The following TSBP1 variants were observed in gnomAD, a reference collection of about 807,000 sequenced individuals.
TSBP1 encodes the protein testis-expressed basic protein 1.
In TSBP1, 56 loss-of-function variants were observed where a neutral mutation model predicts 68.8. The ratio of observed to expected loss-of-function variants is 0.81; its 90% CI spans 0.66 to 1.02. The LOEUF is 1.02. TSBP1 is among the 50% of genes least tolerant of loss of function. The pLI, the probability that TSBP1 is intolerant of heterozygous loss-of-function variation, is 0.00. For missense variants in TSBP1, 502 were observed against 641.2 expected (o/e 0.78, Z 2.34); for synonymous variants, 171 against 208.7 (o/e 0.82, Z 1.56).
At chr6:32,322,910 C>T (rs1767789215) in intron 18 of TSBP1, among the ~76,000 whole-genome samples, 1 of 133,404 alleles carries the variant, frequency 7.5e-6, no homozygotes, top group Non-Finnish European at 1.7e-5. Flanking sequence ...CTGAAAATTC[C>T]TCCTACTTGT....
chr6:32,315,353 AG>A lies in TSBP1; in HGVS notation c.580+418del, dbSNP rs1766835625. 6.6e-6 allele frequency among the ~76,000 whole-genome samples: 1 copy of A among 152,130 alleles called. No individual in the cohort carries two copies. Among genetic ancestry groups the A allele is most frequent in the African/African-American group, 2.4e-5 (1 of 41,436 alleles). ...CAACGCGGGCGGATCACTTGAGGTC[AG>A]GAGTTCAAGAACAGCCTGGCCAAAT... On this transcript the variant is annotated intron_variant, in intron 19 of 22. Transcript: ENST00000612031. The surrounding 1 kb of genome is among the most constrained non-coding windows in gnomAD (Gnocchi z 5.4).
chr6:32,342,433 C>T (rs1583110047), intron 9 of TSBP1, among the ~76,000 whole-genome samples: 1 of 152,108 alleles, frequency 6.6e-6, no homozygotes, highest in Non-Finnish European at 1.5e-5. Context: ...TGATTACGGG[C>T]ATGAGCCATG....
chr6:32,336,739 C>G lies in TSBP1; in HGVS notation c.410-104G>C. On this transcript the variant is annotated intron_variant, in intron 11 of 22. Coordinates refer to ENST00000612031, the Ensembl canonical transcript of TSBP1. The surrounding 1 kb of genome is among the most constrained non-coding windows in gnomAD (Gnocchi z 5.2). ...ATGAAGCAATTCAACCAGAGGAGAACAACTACTGTGGGACTGCAGATGATC... is the reference window on the plus strand; with the variant it reads ...ATGAAGCAATTCAACCAGAGGAGAAGAACTACTGTGGGACTGCAGATGATC... 9.8e-7 allele frequency: 1 copy of G among 1,016,550 alleles called. No individual in the cohort carries two copies. 63.0% of individuals were successfully genotyped at this position (1,016,550 alleles called of 1,614,324 possible).
At chr6:32,332,096 G>T (rs910052) in intron 14 of TSBP1, 42 bp from the exon 16 acceptor site, 572,849 of 1,483,930 alleles carry the variant, frequency 0.39, 116,489 homozygotes, top group Middle Eastern at 0.56. Context: ...CAGTTATTTG[G>T]AGAGTGTATT....
chr6:32,294,485 C>T (rs1764495710), intron 22 of TSBP1, among the ~76,000 whole-genome samples: 2 of 152,194 alleles, frequency 1.3e-5, no homozygotes, highest in Admixed American at 1.3e-4. Flanking sequence ...AATAACAGTA[C>T]TAGCTGATAA....
In TSBP1 at chr6:32,352,640, A is replaced by G. The variant is rs191988280; in HGVS notation, c.259+2484T>C. On this transcript the variant is annotated intron_variant, in intron 8 of 22. Transcript: ENST00000612031. ...AGAAAATTTTACATTGTTAATATGA[A>G]CAAAGTCAAGCAATATGCCATTTAA... 9.2e-4 allele frequency among the ~76,000 whole-genome samples: 140 copies of G among 152,118 alleles called. 1 individual carries two copies. The highest frequency in any genetic ancestry group is 1.4e-3 in the Admixed American group (22 of 15,282).
chr6:32,325,176 C>T lies in TSBP1; in HGVS notation c.515-1562G>A. 1 of 544,152 alleles carries T rather than the reference C, an allele frequency of 1.8e-6. No individual in the cohort carries two copies. The highest frequency in any genetic ancestry group is 3.2e-6 in the Non-Finnish European group (1 of 308,772). 33.7% of individuals were successfully genotyped at this position (544,152 alleles called of 1,614,324 possible). On this transcript the variant is annotated intron_variant, in intron 16 of 22. Transcript: ENST00000612031. This position sits in a 1 kb window ranked among gnomAD's most constrained non-coding sequence, Gnocchi z 4.4. The stretch of plus-strand genomic sequence containing the variant: ...ATTTATGCCTTTCTGCCCATGGATG[C>T]CATGGAAGAAGCATCATTAAAGTCT...
At chr6:32,307,302 C>T (rs1245782365) in intron 19 of TSBP1, among the ~76,000 whole-genome samples, 1 of 152,078 alleles carries the variant, frequency 6.6e-6, no homozygotes, top group South Asian at 2.1e-4. Context: ...ATTTCTCTCA[C>T]AATTTTGTTT....
At chr6:32,327,948 T>C (rs1451954220) in intron 16 of TSBP1, among the ~76,000 whole-genome samples, 1 of 150,588 alleles carries the variant, frequency 6.6e-6, no homozygotes, top group African/African-American at 2.4e-5. Flanking sequence ...CCCGCCACCA[T>C]GCCCGACTTA....
Position 32,335,413 on chromosome 6 carries a change from A to G in TSBP1, c.472+24T>C. Reference sequence around the variant, plus strand: ...TCTAAGTAAAGTACTAAAAGGCATTATAATTGAGAATCAGATGACTTACCA... The same window carrying G: ...TCTAAGTAAAGTACTAAAAGGCATTGTAATTGAGAATCAGATGACTTACCA... On this transcript the variant is annotated intron_variant, in intron 14 of 22. Coordinates refer to ENST00000612031, the Ensembl canonical transcript of TSBP1. This position sits in a 1 kb window ranked among gnomAD's most constrained non-coding sequence, Gnocchi z 5.5. 2 of 1,509,952 alleles carry G rather than the reference A, an allele frequency of 1.3e-6. No individual in the cohort carries two copies. The highest frequency in any genetic ancestry group is 2.6e-5 in the South Asian group (2 of 77,178). The allele number at this position is 1,509,952 out of a possible 1,614,324, so 93.5% of individuals were successfully genotyped here. A position where few individuals can be genotyped will look rare whatever the true frequency, so the allele number is the denominator to read the frequency against.
chr6:32,343,343 C>T lies in TSBP1; in HGVS notation c.350-3705G>A, dbSNP rs1770589605. The T allele has an allele frequency of 2.5e-6, 2 of 801,394 alleles. No homozygotes were observed. Among genetic ancestry groups the T allele is most frequent in the Non-Finnish European group, 3.6e-6 (2 of 555,848 alleles). The allele number at this position is 801,394 out of a possible 1,614,324, so 49.6% of individuals were successfully genotyped here. A position where few individuals can be genotyped will look rare whatever the true frequency, so the allele number is the denominator to read the frequency against. On this transcript the variant is annotated intron_variant, in intron 9 of 22. Coordinates refer to ENST00000612031, the Ensembl canonical transcript of TSBP1. This position sits in a 1 kb window ranked among gnomAD's most constrained non-coding sequence, Gnocchi z 4.3. ...CAAAAGTCTTCCCAGAAATAGTGTC[C>T]TCCCTCAGGTTATTAGACTTTCCAT...
In TSBP1 at chr6:32,304,957, C is replaced by T. The variant is rs1479934267; in HGVS notation, c.581-2328G>A. ...TCATTGTATTCTCCTTCTAGATTTC[C>T]ATTACTAAGTTTACTTACTCTTTGC... On this transcript the variant is annotated intron_variant, in intron 19 of 22. Coordinates refer to ENST00000612031, the Ensembl canonical transcript of TSBP1. This position sits in a 1 kb window ranked among gnomAD's most constrained non-coding sequence, Gnocchi z 4.8. Among the ~76,000 whole-genome samples the T allele has an allele frequency of 6.6e-6, 1 of 151,968 alleles. No individual in the cohort carries two copies. The highest frequency in any genetic ancestry group is 1.5e-5 in the Non-Finnish European group (1 of 67,988).
At position 32,309,907 on chromosome 6, in the gene TSBP1, C is replaced by G. The variant is rs1056981883; in HGVS notation, c.580+5865G>C. Among the ~76,000 whole-genome samples the G allele has an allele frequency of 6.6e-5, 10 of 152,260 alleles. No homozygotes were observed. The East Asian group carries it at 1.9e-3, about 29-fold the overall frequency. On this transcript the variant is annotated intron_variant, in intron 19 of 22. Transcript: ENST00000612031. ...CCAATTTTTCTCTCTCCTGACTACC[C>G]TCCCCAGGCTCTGGTAACCATCATT...
rs12110928 is a variant in TSBP1, at chr6:32,321,522, T to C, written c.559+1595A>G. 3.5e-3 allele frequency among the ~76,000 whole-genome samples: 532 copies of C among 152,266 alleles called. 4 individuals carry two copies. The highest frequency in any genetic ancestry group is 0.012 in the African/African-American group (501 of 41,532). On this transcript the variant is annotated intron_variant, in intron 18 of 22. Coordinates refer to ENST00000612031, the Ensembl canonical transcript of TSBP1. This position sits in a 1 kb window ranked among gnomAD's most constrained non-coding sequence, Gnocchi z 4.3. ...GGGCCTATTCCCAAACATGGGCATA[T>C]GGATTTTGCAGCCTCATCTCTGGGT...
At chr6:32,360,086 AGT>A (rs894158784) in intron 6 of TSBP1, among the ~76,000 whole-genome samples, 2 of 152,114 alleles carry the variant, frequency 1.3e-5, no homozygotes, top group African/African-American at 4.8e-5. Flanking sequence ...GTAAATTTCA[AGT>A]GTATAATACA....
At chr6:32,323,358 G>A (rs1339856883) in intron 17 of TSBP1, 2 of 692,058 alleles carry the variant, frequency 2.9e-6, no homozygotes, top group Non-Finnish European at 5.3e-6. Context: ...TGTAATTAAA[G>A]CACTTAAATA....
chr6:32,317,582 C>T (rs1274396935), intron 18 of TSBP1, among the ~76,000 whole-genome samples: 8 of 152,194 alleles, frequency 5.3e-5, no homozygotes, highest in South Asian at 2.1e-4. Context: ...TAATATCCAG[C>T]GCCTGTAAGG....
chr6:32,360,966 G>C (rs1052756653), intron 6 of TSBP1, among the ~76,000 whole-genome samples: 28 of 151,552 alleles, frequency 1.8e-4, no homozygotes, highest in Non-Finnish European at 1.6e-4. Flanking sequence ...TGCCATGTTG[G>C]TGTGCTGCAC....
intron 15 of TSBP1, 87 bp from the exon 17 acceptor site, chr6:32,330,696 T>TGAGAGA: frequency 5.6e-6 from 8 of 1,427,220 alleles, no homozygotes; most frequent in Non-Finnish European, 7.5e-6. Flanking sequence ...TGAGACAGAG[T>TGAGAGA]CTCTCACTCT....
Sources: allele counts gnomAD v4.1 joint callset (sites outside exome capture counted in the v4.1 genomes callset), GRCh38; gene constraint gnomAD v4.1.1; non-coding constraint Gnocchi (gnomAD v3.1); transcripts MANE v1.5; gene names NCBI Gene and HGNC (gene_info 2026-07-23, HGNC 2026-07-21).